MYO15B: variants seen among roughly 807,000 people sequenced by gnomAD.
The protein encoded by MYO15B is myosin XVB pseudogene.
In MYO15B, 207 loss-of-function variants were observed where a neutral mutation model predicts 119.3. That is an observed-to-expected ratio of 1.73 (90% CI 1.55 to 1.95). The LOEUF is 1.95. MYO15B is among the 30% of genes most tolerant of loss of function. The probability of loss-of-function intolerance (pLI) is 0.00; values close to 1 mark genes in which losing one functional copy is unlikely to be tolerated. For missense variants in MYO15B, 2,264 were observed against 1,203.1 expected (o/e 1.88, Z -13.04); for synonymous variants, 966 against 498.9 (o/e 1.94, Z -12.48).
At chr17:75,596,989 G>A in intron 14 of MYO15B, 90 bp downstream of exon 14, 1 of 619,208 alleles carries the variant, frequency 1.6e-6, no homozygotes, top group South Asian at 1.9e-5. Flanking sequence ...GCCTCCCAGA[G>A]GGGACAAGGT....
At chr17:75,626,145 C>G in exon 63 of MYO15B, 1 of 703,086 alleles carries the variant, frequency 1.4e-6, no homozygotes, top group East Asian at 2.7e-5. Flanking sequence ...GCTAAGCCCT[C>G]TGGAGGAGAA....
chr17:75,590,208 C>A (rs1484956690), exon 1 of MYO15B: 2 of 399,140 alleles, frequency 5.0e-6, no homozygotes, highest in Non-Finnish European at 4.4e-6. Flanking sequence ...GCCTCGGAGA[C>A]GGCCTGGAAG....
At chr17:75,624,296 T>G (rs2058889560) in intron 56 of MYO15B, 27 bp downstream of exon 56, 1 of 702,822 alleles carries the variant, frequency 1.4e-6, no homozygotes, top group Admixed American at 2.0e-5. Flanking sequence ...ATGGGCATTG[T>G]GGGACACCCT....
chr17:75,621,056 C>T (rs1346874333), exon 50 of MYO15B: 5 of 702,874 alleles, frequency 7.1e-6, no homozygotes, highest in Non-Finnish European at 1.3e-5. Context: ...TGGAGCCAGG[C>T]ACACAGTGAC....
chr17:75,601,391 G>A (rs916837957), intron 14 of MYO15B, 47 bp from the exon 15 acceptor site: 30 of 698,184 alleles, frequency 4.3e-5, no homozygotes, highest in Non-Finnish European at 7.1e-5. Flanking sequence ...CATCCAGAAG[G>A]ACAGCCTGTG....
At chr17:75,624,914 C>G (rs1568237888) in exon 59 of MYO15B, 1 of 702,646 alleles carries the variant, frequency 1.4e-6, no homozygotes, top group East Asian at 2.7e-5. Flanking sequence ...CCACTACAGC[C>G]AGGTCAGCCT....
At chr17:75,624,516 C>T (rs1353861436) in intron 57 of MYO15B, 27 bp from the exon 58 acceptor site, 2 of 702,966 alleles carry the variant, frequency 2.8e-6, no homozygotes, top group Non-Finnish European at 2.6e-6. Context: ...CTCCCTCCCC[C>T]TCATCACAGT....
At chr17:75,597,278 C>T (rs1400982282) in intron 14 of MYO15B, among the ~76,000 whole-genome samples, 4 of 152,208 alleles carry the variant, frequency 2.6e-5, no homozygotes, top group African/African-American at 7.2e-5. Context: ...TCTGACTGGT[C>T]GGGGACAAAC....
At chr17:75,604,180 C>T (rs1237330620) in intron 19 of MYO15B, among the ~76,000 whole-genome samples, 1 of 152,100 alleles carries the variant, frequency 6.6e-6, no homozygotes, top group African/African-American at 2.4e-5. Flanking sequence ...CATCTGGAAA[C>T]CTACCAGCTA....
exon 9 of MYO15B, chr17:75,592,801 C>A: frequency 1.4e-6 from 1 of 702,750 alleles, no homozygotes. Flanking sequence ...TGCTGGCCGC[C>A]ATCCTGCAGC....
exon 19 of MYO15B, chr17:75,603,253 C>T (rs921588118): frequency 2.7e-5 from 19 of 702,980 alleles, no homozygotes; most frequent in African/African-American, 1.6e-4. Context: ...TACTGGAGGC[C>T]GTGGGCACCC....
exon 25 of MYO15B, chr17:75,611,948 C>T (rs1305061490): frequency 7.1e-6 from 5 of 702,918 alleles, no homozygotes; most frequent in Non-Finnish European, 2.6e-6. Flanking sequence ...TCCTGCCCGG[C>T]CCAGCCTGAC....
exon 56 of MYO15B, chr17:75,624,181 C>T (rs2058878406): frequency 1.4e-6 from 1 of 702,962 alleles, no homozygotes; most frequent in Non-Finnish European, 2.6e-6. Flanking sequence ...GCAGAGCTGG[C>T]CCGGAGCAGC....
At chr17:75,603,309 C>T (rs1327184394) in exon 19 of MYO15B, 1 of 702,914 alleles carries the variant, frequency 1.4e-6, no homozygotes, top group Non-Finnish European at 2.6e-6. Flanking sequence ...GCCTTCCTGG[C>T]CAGGTGGGGC....
At chr17:75,624,963 C>T (rs565007533) in intron 59 of MYO15B, 47 bp downstream of exon 59, 4 of 694,760 alleles carry the variant, frequency 5.8e-6, no homozygotes, top group African/African-American at 1.7e-5. Flanking sequence ...GAGGGCGCGG[C>T]TTCCTGCCTG....
intron 19 of MYO15B, among the ~76,000 whole-genome samples, chr17:75,605,137 CAAAA>C (rs369988513): frequency 7.5e-6 from 1 of 132,894 alleles, no homozygotes; most frequent in Non-Finnish European, 1.6e-5. Context: ...AACTCTGTCT[CAAAA>C]AAAAAAACCA....
intron 12 of MYO15B, 157 bp from the exon 13 acceptor site, chr17:75,596,303 G>A (rs915509482): frequency 3.8e-5 from 23 of 604,984 alleles, no homozygotes; most frequent in South Asian, 1.4e-4. Flanking sequence ...GAGGTAGCCC[G>A]TGTGCTGTGC....
intron 41 of MYO15B, 53 bp from the exon 42 acceptor site, chr17:75,617,757 A>C: frequency 1.5e-6 from 1 of 668,218 alleles, no homozygotes; most frequent in Admixed American, 2.1e-5. Flanking sequence ...TGCCCCCATC[A>C]CTCTGGCTCT....
At chr17:75,610,907 G>T (rs559390057) in exon 23 of MYO15B, 2 of 703,098 alleles carry the variant, frequency 2.8e-6, no homozygotes, top group East Asian at 2.7e-5. Context: ...CAGCTTGGGC[G>T]TTGGCAGGGC....
Sources: allele counts gnomAD v4.1 joint callset (sites outside exome capture counted in the v4.1 genomes callset), GRCh38; gene constraint gnomAD v4.1.1; transcripts MANE v1.5; gene names NCBI Gene and HGNC (gene_info 2026-07-23, HGNC 2026-07-21).